The following DOK5 variants were observed in gnomAD, a reference collection of about 807,000 sequenced individuals.
DOK5 encodes the protein downstream of tyrosine kinase 5.
Under a neutral mutation model 43.3 loss-of-function variants are expected in DOK5, and 27 were observed. The observed-to-expected ratio is 0.62, with a 90% CI of 0.46 to 0.86. DOK5 has a LOEUF of 0.86. Ranked by LOEUF, DOK5 falls within the 40% of genes least tolerant of loss-of-function variation. The pLI is 0.00. For missense variants in DOK5, 373 were observed against 392.9 expected (o/e 0.95, Z 0.43); for synonymous variants, 146 against 140.1 (o/e 1.04, Z -0.30).
intron 4 of DOK5, among the ~76,000 whole-genome samples, chr20:54,590,861 A>G (rs945955259): frequency 7.9e-5 from 12 of 152,320 alleles, no homozygotes; most frequent in African/African-American, 2.2e-4. Context: ...ACTTTGACTC[A>G]AAAACTTCTT....
chr20:54,506,484 A>T (rs1982806617), intron 1 of DOK5, among the ~76,000 whole-genome samples: 1 of 152,160 alleles, frequency 6.6e-6, no homozygotes, highest in Non-Finnish European at 1.5e-5. Context: ...TTATTGAGAC[A>T]GGGTCTTTCT....
chr20:54,596,197 G>A (rs181867834), intron 5 of DOK5, among the ~76,000 whole-genome samples: 2 of 152,296 alleles, frequency 1.3e-5, no homozygotes, highest in East Asian at 3.9e-4. Context: ...TTTCATGTCT[G>A]CCTTGCTTTA....
At chr20:54,586,880 G>A (rs559791724) in intron 2 of DOK5, among the ~76,000 whole-genome samples, 1 of 152,144 alleles carries the variant, frequency 6.6e-6, no homozygotes, top group South Asian at 2.1e-4. Flanking sequence ...GGACAGTGGT[G>A]AGATAGCGTG....
Position 54,574,679 on chromosome 20 carries a change from A to C in DOK5, c.175-13804A>C, listed in dbSNP as rs1985398668. ...TTAGTGAAAAGCATTGTGGAGTAGA[A>C]ACAGGAAAAATGTCCTCAGTCAATG... On this transcript the variant is annotated intron_variant, in intron 2 of 7. Transcript: ENST00000262593. Among the ~76,000 whole-genome samples, 7 of 152,192 alleles carry C rather than the reference A, an allele frequency of 4.6e-5. No individual in the cohort carries two copies. The South Asian group carries it at 1.4e-3, about 32-fold the overall frequency.
intron 6 of DOK5, among the ~76,000 whole-genome samples, chr20:54,631,629 A>G (rs1325619863): frequency 3.9e-5 from 6 of 152,174 alleles, no homozygotes; most frequent in Non-Finnish European, 7.3e-5. Flanking sequence ...TATTTTATGA[A>G]CATAATAAAA....
intron 2 of DOK5, among the ~76,000 whole-genome samples, chr20:54,562,740 T>TA (rs72087109): frequency 0.14 from 20,642 of 151,874 alleles, 1,391 homozygotes; most frequent in Admixed American, 0.16. Flanking sequence ...ATATTTACAT[T>TA]AAAAAAATCA....
chr20:54,644,515 T>G (rs938747569), intron 7 of DOK5, among the ~76,000 whole-genome samples: 1 of 151,000 alleles, frequency 6.6e-6, no homozygotes, highest in African/African-American at 2.4e-5. Flanking sequence ...CCATCCTGGC[T>G]AACACAGTGA....
chr20:54,588,568 A>C lies in DOK5; in HGVS notation c.260A>C (p.Asp87Ala). ...GCCATAGGGATTTATTTCAATGACG[A>C]TACCTCCAAGACTTTTGCTTGCGAA... ...KHAIGIYFND[D>A]TSKTFACESD... The change falls in exon 3 of 8, where the codon GAT becomes GCT. Residue 87 changes from aspartate (D) to alanine (A), a missense_variant. By Grantham distance (126) the Asp-to-Ala change is moderately radical. Coordinates refer to ENST00000262593, the MANE Select transcript of DOK5 (RefSeq NM_018431.5). 6.2e-7 allele frequency: 1 copy of C among 1,614,186 alleles called. No homozygotes were observed. Among genetic ancestry groups the C allele is most frequent in the Non-Finnish European group, 8.5e-7 (1 of 1,180,004 alleles).
At chr20:54,576,812 G>C (rs1207229389) in intron 2 of DOK5, among the ~76,000 whole-genome samples, 1 of 152,206 alleles carries the variant, frequency 6.6e-6, no homozygotes, top group African/African-American at 2.4e-5. Flanking sequence ...TAGGAAAGAT[G>C]AGTTTAGTTC....
intron 1 of DOK5, among the ~76,000 whole-genome samples, chr20:54,540,838 T>G (rs1443600573): frequency 6.6e-6 from 1 of 152,088 alleles, no homozygotes; most frequent in Non-Finnish European, 1.5e-5. Context: ...GTACTTTACA[T>G]GCACTGACAT....
At chr20:54,632,912 AC>A (rs2146818523) in intron 6 of DOK5, among the ~76,000 whole-genome samples, 1 of 152,182 alleles carries the variant, frequency 6.6e-6, no homozygotes, top group East Asian at 1.9e-4. Flanking sequence ...CCTCATCTCC[AC>A]TAAAAATACA....
chr20:54,494,063 T>G (rs544745462), intron 1 of DOK5, among the ~76,000 whole-genome samples: 1 of 152,254 alleles, frequency 6.6e-6, no homozygotes, highest in Admixed American at 6.5e-5. Context: ...GAGTGTTGTT[T>G]TGATGATTTT....
intron 1 of DOK5, among the ~76,000 whole-genome samples, chr20:54,531,227 T>C (rs907045218): frequency 6.6e-6 from 1 of 152,216 alleles, no homozygotes; most frequent in African/African-American, 2.4e-5. Flanking sequence ...ATATATTATG[T>C]GGTATTGGAA....
chr20:54,503,218 T>C (rs1488317989), intron 1 of DOK5, among the ~76,000 whole-genome samples: 1 of 152,208 alleles, frequency 6.6e-6, no homozygotes, highest in African/African-American at 2.4e-5. Flanking sequence ...CATGTGAATG[T>C]ATTACTTTTT....
At chr20:54,553,909 A>G (rs1984624704) in intron 1 of DOK5, among the ~76,000 whole-genome samples, 1 of 151,126 alleles carries the variant, frequency 6.6e-6, no homozygotes, top group Non-Finnish European at 1.5e-5. Flanking sequence ...AAAAAAAAAA[A>G]AAAAAAATTA....
intron 2 of DOK5, among the ~76,000 whole-genome samples, chr20:54,585,175 T>C (rs1985764965): frequency 6.6e-6 from 1 of 152,160 alleles, no homozygotes; most frequent in African/African-American, 2.4e-5. Context: ...GTTGTGTGTG[T>C]GTGTGCACAT....
In DOK5 at chr20:54,640,256, T is replaced by C. The variant is rs146695253; in HGVS notation, c.736-3202T>C. The stretch of plus-strand genomic sequence containing the variant: ...TTGTAATGAAACAAAGCTGAATGCA[T>C]TGACGTTATTTGAGGACCTGCGGCG... On this transcript the variant is annotated intron_variant, in intron 6 of 7. Coordinates refer to ENST00000262593, the MANE Select transcript of DOK5 (RefSeq NM_018431.5). Among the ~76,000 whole-genome samples the C allele has an allele frequency of 1.3e-3, 197 of 152,348 alleles. 6 individuals are homozygous for C. The East Asian group carries it at 0.037, about 28-fold the overall frequency.
chr20:54,567,304 T>A (rs967866472), intron 2 of DOK5, among the ~76,000 whole-genome samples: 7 of 152,192 alleles, frequency 4.6e-5, no homozygotes, highest in Non-Finnish European at 1.0e-4. Flanking sequence ...AGAAAAAAGG[T>A]ATAGTTTTAA....
chr20:54,497,794 G>T (rs1982456640), intron 1 of DOK5, among the ~76,000 whole-genome samples: 1 of 152,038 alleles, frequency 6.6e-6, no homozygotes, highest in Non-Finnish European at 1.5e-5. Flanking sequence ...ATTTGCTTTT[G>T]TATTTTTGTG....
Sources: gnomAD v4.1 joint callset for allele counts (sites outside exome capture counted in the v4.1 genomes callset) on GRCh38, gnomAD v4.1.1 for gene constraint, MANE v1.5 for transcripts, NCBI Gene and HGNC (gene_info 2026-07-23, HGNC 2026-07-21) for gene names.